Variants in RALGAPA2 observed in about 807,000 individuals in gnomAD.
The protein encoded by RALGAPA2 is ral GTPase-activating protein subunit alpha-2.
In RALGAPA2, 139 loss-of-function variants were observed where a neutral mutation model predicts 230.4. That is an observed-to-expected ratio of 0.60 (90% CI 0.53 to 0.69). RALGAPA2 has a LOEUF of 0.69. Ranked by LOEUF, RALGAPA2 falls within the 30% of genes least tolerant of loss-of-function variation. The probability of loss-of-function intolerance (pLI) is 0.00; values close to 1 mark genes in which losing one functional copy is unlikely to be tolerated. For missense variants in RALGAPA2, 2,163 were observed against 2,276.0 expected (o/e 0.95, Z 1.01); for synonymous variants, 847 against 837.8 (o/e 1.01, Z -0.19).
intron 35 of RALGAPA2, among the ~76,000 whole-genome samples, chr20:20,499,827 C>T (rs1467282573): frequency 6.6e-6 from 1 of 152,222 alleles, no homozygotes; most frequent in Non-Finnish European, 1.5e-5. Context: ...TCTGATGTTT[C>T]ACATGCACTG....
At chr20:20,536,826 A>C (rs748122403) in intron 24 of RALGAPA2, 42 bp from the exon 25 acceptor site, 1 of 1,584,174 alleles carries the variant, frequency 6.3e-7, no homozygotes, top group African/African-American at 1.3e-5. Context: ...CTCTTTTTGT[A>C]AGTTAGAAAC....
chr20:20,666,482 G>A (rs1004088847), intron 3 of RALGAPA2, among the ~76,000 whole-genome samples: 3 of 152,094 alleles, frequency 2.0e-5, no homozygotes, highest in Non-Finnish European at 2.9e-5. Context: ...CTCAAAAACC[G>A]TGAAGTGGCC....
intron 37 of RALGAPA2, among the ~76,000 whole-genome samples, chr20:20,458,277 G>A (rs1487956381): frequency 1.3e-5 from 2 of 151,610 alleles, no homozygotes; most frequent in East Asian, 3.9e-4. Context: ...TCTGTTTTCA[G>A]AAAGCACTCA....
At chr20:20,674,071 G>A (rs755087745) in intron 3 of RALGAPA2, among the ~76,000 whole-genome samples, 6 of 151,780 alleles carry the variant, frequency 4.0e-5, no homozygotes, top group African/African-American at 1.2e-4. Flanking sequence ...TGATGCACAC[G>A]TGTAGTCCCA....
chr20:20,649,030 G>A (rs575095957), intron 4 of RALGAPA2, among the ~76,000 whole-genome samples: 4 of 152,270 alleles, frequency 2.6e-5, no homozygotes, highest in African/African-American at 9.6e-5. Flanking sequence ...TGCCTGGGAG[G>A]GGAAGAAGCA....
At chr20:20,589,695 G>T (rs1012990388) in intron 17 of RALGAPA2, among the ~76,000 whole-genome samples, 5 of 152,120 alleles carry the variant, frequency 3.3e-5, no homozygotes, top group African/African-American at 1.2e-4. Context: ...AAAAGTGCCT[G>T]TGTTGGCCAG....
intron 37 of RALGAPA2, among the ~76,000 whole-genome samples, chr20:20,458,760 A>ATATATATAGACC (rs1556043859): frequency 0.16 from 1,291 of 7,964 alleles, 209 homozygotes; most frequent in Non-Finnish European, 0.33. Context: ...ATACACACCT[A>ATATATATAGACC]TATATATATA....
intron 36 of RALGAPA2, among the ~76,000 whole-genome samples, chr20:20,482,269 C>G (rs1046566549): frequency 6.6e-6 from 1 of 152,008 alleles, no homozygotes; most frequent in East Asian, 1.9e-4. Flanking sequence ...ATGAACAAGT[C>G]GAGGCTCTGA....
At chr20:20,666,907 C>A in intron 3 of RALGAPA2, among the ~76,000 whole-genome samples, 3 of 143,562 alleles carry the variant, frequency 2.1e-5, no homozygotes, top group South Asian at 4.4e-4. Context: ...GAGGAGGAGG[C>A]AGGGGTGGGG....
At position 20,616,083 on chromosome 20, in the gene RALGAPA2, T is replaced by C; in HGVS notation, c.1648A>G (p.Arg550Gly). 1.3e-6 allele frequency: 2 copies of C among 1,552,790 alleles called. No individual in the cohort carries two copies. The highest frequency in any genetic ancestry group is 1.2e-5 in the South Asian group (1 of 82,578). ...ATTGTAAGCTCCATTATCATGCGCC[T>C]AAAAATAATCAAAACAGCTTTACAA... is the stretch of plus-strand genomic sequence containing the variant. ...DACKAVLIIF[R>G]RMIMELTMNK... Residue 550 changes from arginine to glycine, a missense_variant, in exon 13 of 40, where the codon AGG becomes GGG. Transcript: ENST00000202677.
intron 23 of RALGAPA2, among the ~76,000 whole-genome samples, chr20:20,564,560 G>A (rs1261969367): frequency 6.6e-6 from 1 of 152,174 alleles, no homozygotes; most frequent in Non-Finnish European, 1.5e-5. Context: ...ATTGAACTTT[G>A]TGCCACATTT....
intron 24 of RALGAPA2, among the ~76,000 whole-genome samples, chr20:20,543,856 G>A (rs2063712070): frequency 6.6e-6 from 1 of 151,460 alleles, no homozygotes; most frequent in Non-Finnish European, 1.5e-5. Context: ...TTATGCACAT[G>A]TACCCTAGAA....
rs141408442 is a variant in RALGAPA2 at position 20,585,882 on chromosome 20, A to T, written c.2440-927T>A. Among the ~76,000 whole-genome samples, 525 of 152,312 alleles carry T rather than the reference A, an allele frequency of 3.4e-3. 5 individuals carry two copies. The highest frequency in any genetic ancestry group is 0.012 in the African/African-American group (495 of 41,578). ...GATGTAGAGTTAAAAGAAAAAAAAGAATGCCCCACAAATGTTGACCATGGC... is the reference window on the plus strand; with the variant it reads ...GATGTAGAGTTAAAAGAAAAAAAAGTATGCCCCACAAATGTTGACCATGGC... On this transcript the variant is annotated intron_variant, in intron 18 of 39. Transcript: ENST00000202677.
At chr20:20,485,018 T>A (rs1252352583) in intron 36 of RALGAPA2, among the ~76,000 whole-genome samples, 1 of 152,148 alleles carries the variant, frequency 6.6e-6, no homozygotes, top group South Asian at 2.1e-4. Context: ...CCAACACAAA[T>A]TCGGAACTTT....
chr20:20,460,351 T>C (rs923228286), intron 37 of RALGAPA2, among the ~76,000 whole-genome samples: 12 of 152,202 alleles, frequency 7.9e-5, no homozygotes, highest in African/African-American at 2.9e-4. Flanking sequence ...AGCCAAAAAC[T>C]AAGTTATTAT....
chr20:20,553,597 C>G (rs1191774069), intron 23 of RALGAPA2, among the ~76,000 whole-genome samples: 4 of 152,082 alleles, frequency 2.6e-5, no homozygotes, highest in Admixed American at 2.6e-4. Flanking sequence ...GAACTTCTCA[C>G]CAGCAGAACT....
At chr20:20,599,249 A>C (rs780955547) in intron 16 of RALGAPA2, among the ~76,000 whole-genome samples, 1 of 152,238 alleles carries the variant, frequency 6.6e-6, no homozygotes, top group Non-Finnish European at 1.5e-5. Context: ...ATTCAAAAGC[A>C]AATCATTTAG....
intron 32 of RALGAPA2, among the ~76,000 whole-genome samples, chr20:20,511,575 T>G (rs979891739): frequency 5.3e-5 from 8 of 152,314 alleles, no homozygotes; most frequent in Admixed American, 1.3e-4. Flanking sequence ...CTTACATGCA[T>G]GTGCCTGTGT....
At chr20:20,544,159 C>T (rs1230685266) in intron 24 of RALGAPA2, among the ~76,000 whole-genome samples, 1 of 151,912 alleles carries the variant, frequency 6.6e-6, no homozygotes, top group East Asian at 1.9e-4. Flanking sequence ...CGGTGGCTCA[C>T]ACCTGTAATC....
Sources: allele counts gnomAD v4.1 joint callset (sites outside exome capture counted in the v4.1 genomes callset), GRCh38; gene constraint gnomAD v4.1.1; transcripts MANE v1.5; gene names NCBI Gene and HGNC (gene_info 2026-07-23, HGNC 2026-07-21).